NPC1: variants seen among roughly 807,000 people sequenced by gnomAD.
NPC1 encodes Niemann-Pick C1 protein.
Under a neutral mutation model 140.4 loss-of-function variants are expected in NPC1, and 85 were observed. That is an observed-to-expected ratio of 0.61 (90% CI 0.51 to 0.72). The LOEUF (loss-of-function observed/expected upper bound fraction) is 0.72, where lower values mean the gene tolerates loss of function less well. Ranked by LOEUF, NPC1 falls within the 30% of genes least tolerant of loss-of-function variation. NPC1 has a pLI of 0.00. For missense variants in NPC1, 1,504 were observed against 1,623.8 expected (o/e 0.93, Z 1.27); for synonymous variants, 656 against 624.8 (o/e 1.05, Z -0.74).
chr18:23,532,418 AGAGT>A, intron 24 of NPC1, 134 bp from the exon 25 acceptor site: 1 of 923,848 alleles, frequency 1.1e-6, no homozygotes, highest in Non-Finnish European at 1.8e-6. Flanking sequence ...CCTGGACAAC[AGAGT>A]GAGACCACAT....
intron 7 of NPC1, 99 bp downstream of exon 7, chr18:23,557,018 C>T: frequency 3.0e-6 from 3 of 1,006,028 alleles, no homozygotes; most frequent in Non-Finnish European, 4.7e-6. Context: ...GGCACTGGCA[C>T]ACCACCTCAC....
At chr18:23,569,691 G>A (rs755769125) in intron 3 of NPC1, among the ~76,000 whole-genome samples, 5 of 152,100 alleles carry the variant, frequency 3.3e-5, no homozygotes, top group African/African-American at 4.8e-5. Context: ...CTATTGAAAG[G>A]TTTTCTTTCA....
At chr18:23,561,043 T>C (rs560942838) in intron 5 of NPC1, among the ~76,000 whole-genome samples, 1 of 152,334 alleles carries the variant, frequency 6.6e-6, no homozygotes, top group South Asian at 2.1e-4. Flanking sequence ...AGACAGGGCT[T>C]TGCCCTCACC....
chr18:23,523,817 T>C (rs1020585871), intron 1 of NPC1, among the ~76,000 whole-genome samples: 2 of 152,208 alleles, frequency 1.3e-5, no homozygotes, highest in Non-Finnish European at 2.9e-5. Context: ...TTCAAGTAAA[T>C]TTCTCAGTTC....
At chr18:23,575,769 C>CAAAAAG (rs2059267260) in intron 1 of NPC1, among the ~76,000 whole-genome samples, 1 of 35,082 alleles carries the variant, frequency 2.9e-5, no homozygotes, top group Non-Finnish European at 5.9e-5. Flanking sequence ...CAGAGAAGAC[C>CAAAAAG]AAAAAAAAAA....
At chr18:23,522,009 G>A (rs2058155035), downstream of NPC1, among the ~76,000 whole-genome samples, 1 of 152,200 alleles carries the variant, frequency 6.6e-6, no homozygotes, top group African/African-American at 2.4e-5. Context: ...TTGTCCGATG[G>A]CATTGGGCGG....
chr18:23,556,939 G>A (rs567769258), intron 7 of NPC1, among the ~76,000 whole-genome samples, 178 bp downstream of exon 7: 32 of 152,170 alleles, frequency 2.1e-4, no homozygotes, highest in Non-Finnish European at 3.7e-4. Flanking sequence ...GTTCTGCTGT[G>A]CCACCCTGAC....
rs2145336490 is a variant in NPC1, at chr18:23,533,520, A to G, written c.3592-3T>C. 1.2e-6 allele frequency: 2 copies of G among 1,614,054 alleles called. No individual in the cohort carries two copies. The highest frequency in any genetic ancestry group is 1.7e-5 in the Admixed American group (1 of 60,028). On this transcript the variant is annotated splice_region_variant and splice_polypyrimidine_tract_variant and intron_variant, in intron 23 of 24. Transcript: ENST00000269228. The stretch of plus-strand genomic sequence containing the variant: ...GTAAGTGTGATTCCACTGAACACCT[A>G]AAAGAAGAGATACTGTGTTAGAAAC...
rs959738129 is a variant in NPC1, at chr18:23,548,081, A to G, written c.1682T>C (p.Leu561Pro). ...DDQNYNNATA[L>P]VITFPVNNYY... ...ATTATTGACAGGGAAGGTAATCACA[A>G]GGGCAGTGGCGTTATTGTAGTTTTG... Residue 561 changes from leucine (L) to proline (P), a missense_variant, in exon 11 of 25, where the codon CTT becomes CCT. Transcript: ENST00000269228. The G allele has an allele frequency of 4.3e-6, 7 of 1,611,096 alleles. No homozygotes were observed.
At chr18:23,586,171 C>T in intron 1 of NPC1, 116 bp downstream of exon 1, 2 of 1,142,006 alleles carry the variant, frequency 1.8e-6, no homozygotes, top group Non-Finnish European at 1.2e-6. Flanking sequence ...AGCTCTCCAT[C>T]GCCAGACCAA....
At chr18:23,516,219 A>G in intron 3 of NPC1, 1 of 1,436,018 alleles carries the variant, frequency 7.0e-7, no homozygotes, top group Non-Finnish European at 9.8e-7. Flanking sequence ...AAAGGATCCA[A>G]AGACGAAGTC....
rs1652372 is a variant in NPC1, at chr18:23,544,690, G to T, written c.1948-164C>A. ...CTTGTAAACATTTCTAGGTCTGCTC[G>T]GGCAACACATGTTATGAGTTTGCAT... On this transcript the variant is annotated intron_variant, in intron 12 of 24. Transcript: ENST00000269228. Among the ~76,000 whole-genome samples, 485 of 152,162 alleles carry T rather than the reference G, an allele frequency of 3.2e-3. 4 individuals are homozygous for T. Among genetic ancestry groups the T allele is most frequent in the African/African-American group, 0.011 (466 of 41,510 alleles).
At chr18:23,516,267 A>G (rs2058002447) in intron 3 of NPC1, 1 of 1,576,430 alleles carries the variant, frequency 6.3e-7, no homozygotes, top group South Asian at 1.1e-5. Flanking sequence ...GGGAATGATG[A>G]AACATTGAAG....
At chr18:23,543,648 T>A in intron 13 of NPC1, 79 bp from the exon 14 acceptor site, 1 of 831,086 alleles carries the variant, frequency 1.2e-6, no homozygotes, top group Non-Finnish European at 2.0e-6. Context: ...TTGTGTTAAC[T>A]CAAGGGTAAA....
chr18:23,509,349 A>G, intron 3 of NPC1: 1 of 554,056 alleles, frequency 1.8e-6, no homozygotes, highest in Non-Finnish European at 2.9e-6. Context: ...TTTTGAATTC[A>G]GTACTGAATA....
intron 8 of NPC1, 101 bp from the exon 9 acceptor site, chr18:23,555,085 A>C: frequency 1.2e-6 from 1 of 801,854 alleles, no homozygotes; most frequent in East Asian, 2.6e-5. Context: ...GACAAAGAGT[A>C]TTTGGGGAAA....
At chr18:23,553,492 A>C (rs2058904236) in intron 9 of NPC1, among the ~76,000 whole-genome samples, 1 of 152,222 alleles carries the variant, frequency 6.6e-6, no homozygotes, top group African/African-American at 2.4e-5. Flanking sequence ...TTACTCCAGT[A>C]ACAAACAAAC....
chr18:23,527,467 A>G (rs2058337614), downstream of NPC1, among the ~76,000 whole-genome samples: 1 of 150,412 alleles, frequency 6.6e-6, no homozygotes, highest in African/African-American at 2.4e-5. Flanking sequence ...TTTGGTATAG[A>G]TGGGGTCTTG....
At chr18:23,519,143 A>G (rs1313199699), downstream of NPC1, 2 of 1,614,142 alleles carry the variant, frequency 1.2e-6, no homozygotes, top group Non-Finnish European at 1.7e-6. Flanking sequence ...GTGGTGGACA[A>G]CCTGGTAGTC....
Sources: gnomAD v4.1 joint callset for allele counts (sites outside exome capture counted in the v4.1 genomes callset) on GRCh38, gnomAD v4.1.1 for gene constraint, MANE v1.5 for transcripts, NCBI Gene and HGNC (gene_info 2026-07-23, HGNC 2026-07-21) for gene names.